ADAMTSL1: variants seen among roughly 807,000 people sequenced by gnomAD.
The protein encoded by ADAMTSL1 is ADAMTS like 1.
A neutral mutation model predicts 201.8 loss-of-function variants in ADAMTSL1; 126 were observed. The observed-to-expected ratio is 0.62, with a 90% confidence interval of 0.54 to 0.72. The LOEUF is 0.72. Ranked by LOEUF, ADAMTSL1 falls within the 30% of genes least tolerant of loss-of-function variation. ADAMTSL1 has a pLI of 0.00. For synonymous variants in ADAMTSL1, 1,121 were observed against 903.4 expected (o/e 1.24, Z -4.32); for missense variants, 2,679 against 2,277.8 (o/e 1.18, Z -3.59).
chr9:18,339,231 A>G (rs1835368013), intron 2 of ADAMTSL1, among the ~76,000 whole-genome samples: 1 of 152,194 alleles, frequency 6.6e-6, no homozygotes, highest in East Asian at 1.9e-4. Flanking sequence ...TAATATCCAG[A>G]CGCTATAAGG....
chr9:18,074,827 G>A (rs969530771), intron 1 of ADAMTSL1, among the ~76,000 whole-genome samples: 1 of 152,086 alleles, frequency 6.6e-6, no homozygotes, highest in Non-Finnish European at 1.5e-5. Context: ...CTAACCTCAG[G>A]TGATCCACCT....
At chr9:18,128,641 G>A (rs1012527178) in intron 1 of ADAMTSL1, among the ~76,000 whole-genome samples, 1 of 152,176 alleles carries the variant, frequency 6.6e-6, no homozygotes, top group African/African-American at 2.4e-5. Flanking sequence ...TATGGTACAT[G>A]AATCCCCGTC....
At chr9:18,817,071 A>G (rs749675335) in intron 20 of ADAMTSL1, 38 bp from the exon 21 acceptor site, 6 of 1,602,378 alleles carry the variant, frequency 3.7e-6, no homozygotes. Context: ...TTCCACAGTC[A>G]CCACCAAGTA....
At chr9:18,138,533 T>A (rs1194859033) in intron 1 of ADAMTSL1, among the ~76,000 whole-genome samples, 3 of 152,168 alleles carry the variant, frequency 2.0e-5, no homozygotes, top group Non-Finnish European at 4.4e-5. Context: ...AAGCAGCTGG[T>A]GTGCGGCCAT....
intron 2 of ADAMTSL1, among the ~76,000 whole-genome samples, chr9:18,181,256 C>G (rs1828460554): frequency 6.6e-6 from 1 of 152,176 alleles, no homozygotes; most frequent in African/African-American, 2.4e-5. Flanking sequence ...ACACCAAAAG[C>G]AATGGCAACA....
At chr9:17,944,340 C>T (rs1827364850) in intron 1 of ADAMTSL1, among the ~76,000 whole-genome samples, 1 of 151,914 alleles carries the variant, frequency 6.6e-6, no homozygotes, top group South Asian at 2.1e-4. Context: ...GAAGAACATT[C>T]CATGCTCATG....
chr9:18,000,286 T>TGATTAAAAAGTCATTAAAAAGTCA (rs1323652632), intron 1 of ADAMTSL1, among the ~76,000 whole-genome samples: 1 of 152,010 alleles, frequency 6.6e-6, no homozygotes, highest in Non-Finnish European at 1.5e-5. Context: ...GACTTTTTAA[T>TGATTAAAAAGTCATTAAAAAGTCA]GATTAAAAAG....
chr9:18,819,440 A>G (rs1422774475), intron 21 of ADAMTSL1, among the ~76,000 whole-genome samples: 10 of 143,152 alleles, frequency 7.0e-5, no homozygotes, highest in Admixed American at 4.3e-4. Context: ...TGGGCAATAG[A>G]GCAAGACTCT....
intron 2 of ADAMTSL1, among the ~76,000 whole-genome samples, chr9:18,284,412 T>C (rs1021239886): frequency 3.9e-5 from 6 of 152,160 alleles, no homozygotes; most frequent in Admixed American, 6.5e-5. Flanking sequence ...GAACTTTCCA[T>C]CTTTATTTAA....
At chr9:18,861,643 C>T (rs1827222855) in intron 23 of ADAMTSL1, among the ~76,000 whole-genome samples, 1 of 152,224 alleles carries the variant, frequency 6.6e-6, no homozygotes, top group African/African-American at 2.4e-5. Flanking sequence ...CACACTGATG[C>T]TGTGACGTTT....
At chr9:18,280,423 A>T (rs944765604) in intron 2 of ADAMTSL1, among the ~76,000 whole-genome samples, 2 of 151,532 alleles carry the variant, frequency 1.3e-5, no homozygotes, top group Non-Finnish European at 2.9e-5. Context: ...AAAAAAAGCA[A>T]CTTTCTTTTT....
intron 15 of ADAMTSL1, among the ~76,000 whole-genome samples, chr9:18,722,355 A>G (rs112159303): frequency 9.9e-5 from 15 of 152,228 alleles, no homozygotes; most frequent in African/African-American, 3.4e-4. Flanking sequence ...TGGAAGGGAG[A>G]CGTTTAAGAA....
intron 4 of ADAMTSL1, among the ~76,000 whole-genome samples, chr9:18,586,813 T>A (rs1823522792): frequency 6.6e-6 from 1 of 152,106 alleles, no homozygotes; most frequent in Non-Finnish European, 1.5e-5. Flanking sequence ...CCGTCTGATC[T>A]TTGACAAAGA....
chr9:18,282,356 T>C (rs1199045309), intron 2 of ADAMTSL1, among the ~76,000 whole-genome samples: 1 of 152,236 alleles, frequency 6.6e-6, no homozygotes, highest in Non-Finnish European at 1.5e-5. Flanking sequence ...CTATTGTGAA[T>C]AGTGCTGCAA....
chr9:18,664,860 G>A (rs937296712), intron 9 of ADAMTSL1, among the ~76,000 whole-genome samples: 3 of 151,958 alleles, frequency 2.0e-5, no homozygotes, highest in Middle Eastern at 3.2e-3. Flanking sequence ...TTTTCAAACT[G>A]TGCCCACAGA....
chr9:18,341,825 T>C (rs1835473750), intron 2 of ADAMTSL1, among the ~76,000 whole-genome samples: 1 of 152,116 alleles, frequency 6.6e-6, no homozygotes, highest in Non-Finnish European at 1.5e-5. Context: ...AAATAAGATA[T>C]GCCAGAGGCA....
chr9:18,114,998 A>C (rs1013360738), intron 1 of ADAMTSL1, among the ~76,000 whole-genome samples: 3 of 152,194 alleles, frequency 2.0e-5, no homozygotes, highest in African/African-American at 7.2e-5. Context: ...TTAGTTGTCA[A>C]TGATAATTGA....
intron 2 of ADAMTSL1, among the ~76,000 whole-genome samples, chr9:18,336,330 A>G (rs1835241226): frequency 6.6e-6 from 1 of 150,684 alleles, no homozygotes. Flanking sequence ...TTTTTACCAC[A>G]GGCAACAATT....
chr9:18,823,838 A>G (rs534026134), intron 21 of ADAMTSL1, among the ~76,000 whole-genome samples: 5 of 152,182 alleles, frequency 3.3e-5, no homozygotes, highest in African/African-American at 1.2e-4. Context: ...AAAATACAAC[A>G]ATTAGCTGGG....
Sources: allele counts gnomAD v4.1 joint callset (sites outside exome capture counted in the v4.1 genomes callset), GRCh38; gene constraint gnomAD v4.1.1; transcripts MANE v1.5; gene names NCBI Gene and HGNC (gene_info 2026-07-23, HGNC 2026-07-21).